The following CCDC144A variants were observed in gnomAD, a reference collection of about 807,000 sequenced individuals.
CCDC144A encodes coiled-coil domain-containing protein 144A.
Under a neutral mutation model 143.8 loss-of-function variants are expected in CCDC144A, and 41 were observed. That is an observed-to-expected ratio of 0.29 (90% CI 0.22 to 0.37). The LOEUF (loss-of-function observed/expected upper bound fraction) is 0.37. Ranked by LOEUF, CCDC144A falls within the 10% of genes least tolerant of loss-of-function variation. CCDC144A has a pLI of 1.00. For missense variants in CCDC144A, 637 were observed against 1,488.8 expected (o/e 0.43, Z 9.41); for synonymous variants, 242 against 517.9 (o/e 0.47, Z 7.23).
At chr17:16,696,734 A>G (rs1911438779) in intron 2 of CCDC144A, among the ~76,000 whole-genome samples, 1 of 152,004 alleles carries the variant, frequency 6.6e-6, no homozygotes, top group African/African-American at 2.4e-5. Context: ...TTGGGCTATA[A>G]ATACTAGATG....
intron 12 of CCDC144A, among the ~76,000 whole-genome samples, chr17:16,757,861 G>C (rs569619550): frequency 1.2e-4 from 18 of 152,298 alleles, no homozygotes; most frequent in African/African-American, 4.3e-4. Flanking sequence ...ATTTCCACAG[G>C]TATATGGTGC....
intron 13 of CCDC144A, among the ~76,000 whole-genome samples, chr17:16,761,942 T>A (rs1268380065): frequency 6.6e-6 from 1 of 152,236 alleles, no homozygotes; most frequent in Non-Finnish European, 1.5e-5. Context: ...AATCATTTAA[T>A]TACTAAAGCC....
rs1913047569 is a variant in CCDC144A at position 16,720,765 on chromosome 17, C to T, written c.1891+107C>T. The T allele has an allele frequency of 8.4e-6, 13 of 1,541,066 alleles. 2 individuals carry two copies. In the South Asian group the frequency reaches 1.7e-4, roughly 20 times the overall value. ...TAGTGAAGCTCATCTCAGAAATACG[C>T]TCAGTGTTAAAATAGAGAACTAACT... On this transcript the variant is annotated intron_variant, in intron 8 of 16. Transcript: ENST00000399273.
chr17:16,707,465 G>T lies in CCDC144A; in HGVS notation c.665-4G>T. ...TAGTTTAACTGAATGTTTGGATTTT[G>T]CAGCAGAACAAGACTCGGAGCTGAC... On this transcript the variant is annotated splice_polypyrimidine_tract_variant and splice_region_variant and intron_variant, in intron 3 of 16. Coordinates refer to ENST00000399273, the MANE Select transcript of CCDC144A (RefSeq NM_001382000.1). The T allele has an allele frequency of 1.9e-6, 3 of 1,600,056 alleles. No homozygotes were observed. Among genetic ancestry groups the T allele is most frequent in the Non-Finnish European group, 2.6e-6 (3 of 1,174,224 alleles).
At chr17:16,764,615 C>T (rs1915519294) in intron 15 of CCDC144A, 1 of 210,910 alleles carries the variant, frequency 4.7e-6, no homozygotes, top group Non-Finnish European at 9.4e-6. Context: ...AAACACTAAC[C>T]ACCCATGGAT....
At chr17:16,688,758 G>A (rs1161103892), upstream of CCDC144A, among the ~76,000 whole-genome samples, 2 of 152,086 alleles carry the variant, frequency 1.3e-5, no homozygotes, top group Non-Finnish European at 2.9e-5. Flanking sequence ...AAAGTGTTGG[G>A]ATTACAGGTG....
At chr17:16,669,749 G>A in the CCDC144A span, among the ~76,000 whole-genome samples, 3 of 152,182 alleles carry the variant, frequency 2.0e-5, no homozygotes, top group African/African-American at 7.2e-5. Context: ...AGATAGATCA[G>A]ACAATTCACA....
At chr17:16,728,177 AG>A (rs1256690738) in intron 9 of CCDC144A, among the ~76,000 whole-genome samples, 1 of 152,136 alleles carries the variant, frequency 6.6e-6, no homozygotes, top group African/African-American at 2.4e-5. Flanking sequence ...TTGGGACTCC[AG>A]GTGCACATTC....
intron 15 of CCDC144A, among the ~76,000 whole-genome samples, chr17:16,769,718 G>A (rs919591839): frequency 1.4e-4 from 22 of 151,990 alleles, no homozygotes; most frequent in African/African-American, 5.1e-4. Flanking sequence ...GATATTAATT[G>A]TTCTTTAAAT....
chr17:16,681,640 C>A, the CCDC144A span, among the ~76,000 whole-genome samples: 1 of 151,992 alleles, frequency 6.6e-6, no homozygotes, highest in Non-Finnish European at 1.5e-5. Flanking sequence ...AGGTGGATCA[C>A]CTGAAGTTGG....
rs1915896400 is a variant in CCDC144A at position 16,773,375 on chromosome 17, G to A, written c.4142-122G>A. 3.8e-6 allele frequency: 5 copies of A among 1,324,950 alleles called. No homozygotes were observed. The South Asian group carries it at 5.4e-5, about 14-fold the overall frequency. 82.1% of individuals were successfully genotyped at this position (1,324,950 alleles called of 1,614,324 possible). A position where few individuals can be genotyped will look rare whatever the true frequency, so the allele number is the denominator to read the frequency against. Reference sequence around the variant, plus strand: ...AGGCAGGAGAATTGCTTAAGCCTGGGAGGACAAGACTGCAGTGACCTGTGA... The same window carrying A: ...AGGCAGGAGAATTGCTTAAGCCTGGAAGGACAAGACTGCAGTGACCTGTGA... On this transcript the variant is annotated intron_variant, in intron 16 of 16. Coordinates refer to ENST00000399273, the MANE Select transcript of CCDC144A (RefSeq NM_001382000.1).
At chr17:16,702,652 G>A (rs1278636560) in intron 2 of CCDC144A, among the ~76,000 whole-genome samples, 1 of 152,150 alleles carries the variant, frequency 6.6e-6, no homozygotes, top group African/African-American at 2.4e-5. Context: ...CTGGAAGTGT[G>A]GATAGTACTG....
intron 12 of CCDC144A, among the ~76,000 whole-genome samples, chr17:16,741,399 A>G (rs1190737566): frequency 6.6e-6 from 1 of 152,110 alleles, no homozygotes; most frequent in African/African-American, 2.4e-5. Context: ...CCAAATATCT[A>G]CATTGGAACT....
chr17:16,677,420 AG>A, the CCDC144A span, among the ~76,000 whole-genome samples: 1 of 152,172 alleles, frequency 6.6e-6, no homozygotes, highest in Admixed American at 6.5e-5. Context: ...CAGATGGCTC[AG>A]GGTGACCGGA....
At chr17:16,718,052 G>A (rs1912874685) in intron 6 of CCDC144A, among the ~76,000 whole-genome samples, 2 of 151,938 alleles carry the variant, frequency 1.3e-5, no homozygotes, top group Admixed American at 1.3e-4. Flanking sequence ...TCTCTGAGAA[G>A]GAATATTCCC....
chr17:16,694,299 T>TG (rs748883951), intron 2 of CCDC144A, among the ~76,000 whole-genome samples: 6 of 152,172 alleles, frequency 3.9e-5, no homozygotes, highest in Non-Finnish European at 7.3e-5. Flanking sequence ...AACTGTGAAA[T>TG]GGCCAGGTGT....
chr17:16,724,984 G>A (rs922647458), intron 8 of CCDC144A, among the ~76,000 whole-genome samples: 3 of 105,970 alleles, frequency 2.8e-5, no homozygotes, highest in African/African-American at 1.0e-4. Context: ...ATTAGGAAAT[G>A]ACTGTTTATA....
At chr17:16,773,156 T>A (rs1481376958) in intron 16 of CCDC144A, among the ~76,000 whole-genome samples, 10 of 151,866 alleles carry the variant, frequency 6.6e-5, no homozygotes, top group Non-Finnish European at 1.0e-4. Context: ...ATATATAGAA[T>A]ATAATTCTTT....
chr17:16,702,507 A>G (rs1157022507), intron 2 of CCDC144A, among the ~76,000 whole-genome samples: 1 of 152,210 alleles, frequency 6.6e-6, no homozygotes, highest in South Asian at 2.1e-4. Flanking sequence ...AAGTCTTTGC[A>G]AAGATCCTTG....
Sources: gnomAD v4.1 joint callset for allele counts (sites outside exome capture counted in the v4.1 genomes callset) on GRCh38, gnomAD v4.1.1 for gene constraint, MANE v1.5 for transcripts, NCBI Gene and HGNC (gene_info 2026-07-23, HGNC 2026-07-21) for gene names.